ITK: variants seen among roughly 807,000 people sequenced by gnomAD.
ITK encodes tyrosine-protein kinase ITK/TSK.
Under a neutral mutation model 87.6 loss-of-function variants are expected in ITK, and 45 were observed. The ratio of observed to expected loss-of-function variants is 0.51; its 90% CI spans 0.40 to 0.66. The LOEUF (loss-of-function observed/expected upper bound fraction) is 0.66, where lower values mean the gene tolerates loss of function less well. ITK is among the 30% of genes least tolerant of loss of function. ITK has a pLI of 0.00. For synonymous variants in ITK, 303 were observed against 273.6 expected (o/e 1.11, Z -1.06); for missense variants, 605 against 766.3 (o/e 0.79, Z 2.48).
At chr5:157,186,097 C>T (rs1372055624) in intron 1 of ITK, among the ~76,000 whole-genome samples, 5 of 152,116 alleles carry the variant, frequency 3.3e-5, no homozygotes, top group Non-Finnish European at 4.4e-5. Context: ...TGATGTCCCA[C>T]GTCTCTAGAG....
chr5:157,231,096 C>T (rs1396426223), intron 7 of ITK, among the ~76,000 whole-genome samples: 1 of 152,160 alleles, frequency 6.6e-6, no homozygotes, highest in African/African-American at 2.4e-5. Flanking sequence ...TAAAAATGTA[C>T]CACCTGGTAA....
rs184239373 is a variant in ITK at position 157,201,959 on chromosome 5, C to T, written c.139-6930C>T. On this transcript the variant is annotated intron_variant, in intron 1 of 16. Coordinates refer to ENST00000422843, the MANE Select transcript of ITK (RefSeq NM_005546.4). The stretch of plus-strand genomic sequence containing the variant: ...ATCACCCAGGTAATAAGCATAGTAC[C>T]CAGTAGGTAGATTTTCAATTCCCAC... Among the ~76,000 whole-genome samples, 151 of 152,070 alleles carry T rather than the reference C, an allele frequency of 9.9e-4. 1 individual carries two copies. The highest frequency in any genetic ancestry group is 1.6e-3 in the Non-Finnish European group (108 of 67,992).
In ITK at chr5:157,254,651, T is replaced by C; in HGVS notation, c.*1973T>C. On this transcript the variant is annotated 3_prime_UTR_variant, in exon 17 of 17. Transcript: ENST00000422843. ...CATTCAGAAGATGATTTTACTCAGC[T>C]TATCCAAAATTATCTCTGTTTACTT... 1 of 217,452 alleles carries C rather than the reference T, an allele frequency of 4.6e-6. No homozygotes were observed. The highest frequency in any genetic ancestry group is 9.2e-6 in the Non-Finnish European group (1 of 108,142). 13.5% of individuals were successfully genotyped at this position (217,452 alleles called of 1,614,324 possible).
intron 5 of ITK, among the ~76,000 whole-genome samples, chr5:157,218,809 A>G (rs935140914): frequency 2.0e-5 from 3 of 152,150 alleles, no homozygotes; most frequent in Non-Finnish European, 2.9e-5. Flanking sequence ...AGTATAGTCC[A>G]TGGACCAGAA....
intron 12 of ITK, 61 bp downstream of exon 12, chr5:157,243,855 G>C: frequency 6.6e-7 from 1 of 1,523,762 alleles, no homozygotes; most frequent in South Asian, 1.1e-5. Context: ...CAGTGTTCTT[G>C]AAATGCCATT....
intron 9 of ITK, among the ~76,000 whole-genome samples, chr5:157,238,492 A>G (rs537106453): frequency 1.3e-5 from 2 of 152,362 alleles, no homozygotes; most frequent in South Asian, 2.1e-4. Context: ...AATTTAATAC[A>G]TAGAATAACA....
chr5:157,211,372 A>G lies in ITK; in HGVS notation c.325+4A>G. 1 of 1,610,230 alleles carries G rather than the reference A, an allele frequency of 6.2e-7. No individual in the cohort carries two copies. Among genetic ancestry groups the G allele is most frequent in the African/African-American group, 1.3e-5 (1 of 74,964 alleles). ...TGGGTGCTGGCCCTTAAAGAAGGTA[A>G]TTAAACTCCTTTGCCATTGAATCAC... is the stretch of plus-strand genomic sequence containing the variant. On this transcript the variant is annotated splice_donor_region_variant and intron_variant, in intron 3 of 16. Transcript: ENST00000422843.
chr5:157,241,808 T>C (rs1182027004), intron 11 of ITK, 88 bp downstream of exon 11: 3 of 875,980 alleles, frequency 3.4e-6, no homozygotes, highest in Non-Finnish European at 5.7e-6. Flanking sequence ...TACCTGTTCC[T>C]CAGACTACAA....
rs374706544 is a variant in ITK, at chr5:157,222,882, A to G, written c.515A>G (p.Glu172Gly). ...CCCCAGCGACCACTTTGGGAACCTG[A>G]AGAAACTGTGGTCATTGCCTTATAT... ...EDNRRPLWEP[E>G]ETVVIALYDY... is the part of the protein sequence containing the mutation. The change falls in exon 6 of 17, where the codon GAA becomes GGA. Residue 172 changes from glutamate (E) to glycine (G), a missense_variant. Glu to Gly is a moderately conservative substitution (Grantham distance 98, BLOSUM62 -2). This residue lies in a region of ITK where 464 missense variants were observed against 578.0 expected (regional missense o/e 0.80). Coordinates refer to ENST00000422843, the MANE Select transcript of ITK (RefSeq NM_005546.4). The G allele has an allele frequency of 2.5e-6, 4 of 1,613,942 alleles. No homozygotes were observed. The African/African-American group carries it at 5.3e-5, about 22-fold the overall frequency.
intron 15 of ITK, 101 bp downstream of exon 15, chr5:157,246,100 C>A: frequency 1.2e-6 from 1 of 860,634 alleles, no homozygotes. Flanking sequence ...AACCCTGTAT[C>A]ATATCATGAG....
chr5:157,211,090 G>C (rs1202182888), intron 2 of ITK, among the ~76,000 whole-genome samples, 197 bp from the exon 3 acceptor site: 1 of 152,114 alleles, frequency 6.6e-6, no homozygotes, highest in East Asian at 1.9e-4. Context: ...TCTGAGACGA[G>C]CAGCTGAAAC....
At chr5:157,199,832 C>T (rs1219112942) in intron 1 of ITK, 1 of 152,144 alleles carries the variant, frequency 6.6e-6, no homozygotes, top group African/African-American at 2.4e-5. Context: ...TCCTGCTTCT[C>T]TCTTTGAAAC....
At chr5:157,246,318 T>C (rs1336646823) in intron 15 of ITK, among the ~76,000 whole-genome samples, 1 of 152,254 alleles carries the variant, frequency 6.6e-6, no homozygotes, top group Admixed American at 6.5e-5. Flanking sequence ...GACCATGTTT[T>C]GTCCAACACT....
Position 157,240,211 on chromosome 5 carries a change from G to A in ITK, c.985+16G>A, listed in dbSNP as rs1561663293. On this transcript the variant is annotated intron_variant, in intron 10 of 16. Coordinates refer to ENST00000422843, the MANE Select transcript of ITK (RefSeq NM_005546.4). ...AATGGAGGAGGTAAGCTCTAGAGCA[G>A]GGGTGGACCCGGGCCGCCCAGCAGG... 6.2e-7 allele frequency: 1 copy of A among 1,613,950 alleles called. No individual in the cohort carries two copies. Among genetic ancestry groups the A allele is most frequent in the African/African-American group, 1.3e-5 (1 of 75,060 alleles).
intron 10 of ITK, 172 bp from the exon 11 acceptor site, chr5:157,241,474 A>G (rs1034236278): frequency 6.3e-6 from 4 of 638,150 alleles, no homozygotes; most frequent in Non-Finnish European, 1.1e-5. Context: ...ATCTGTGCTT[A>G]TGATGTTTTC....
At chr5:157,242,287 C>G (rs915754413) in intron 11 of ITK, among the ~76,000 whole-genome samples, 2 of 152,186 alleles carry the variant, frequency 1.3e-5, no homozygotes, top group African/African-American at 4.8e-5. Context: ...AGGCATTTGG[C>G]TTTGCATCCC....
At chr5:157,204,812 TC>T (rs1256159694) in intron 1 of ITK, among the ~76,000 whole-genome samples, 10 of 152,246 alleles carry the variant, frequency 6.6e-5, no homozygotes, top group Admixed American at 1.3e-4. Context: ...TTTTGTACTT[TC>T]AATAATGGAT....
At chr5:157,232,238 A>G (rs1754671930) in intron 7 of ITK, 102 bp from the exon 8 acceptor site, 1 of 829,976 alleles carries the variant, frequency 1.2e-6, no homozygotes, top group African/African-American at 1.7e-5. Flanking sequence ...AAGCACTGGT[A>G]GAAATAGAAA....
intron 2 of ITK, 143 bp from the exon 3 acceptor site, chr5:157,211,144 A>G (rs1406502518): frequency 7.0e-6 from 5 of 714,698 alleles, no homozygotes; most frequent in Non-Finnish European, 1.0e-5. Context: ...CTGGATAAAA[A>G]GGATACTGGC....
Sources: allele counts gnomAD v4.1 joint callset (sites outside exome capture counted in the v4.1 genomes callset), GRCh38; gene constraint gnomAD v4.1.1; regional missense constraint gnomAD v4.1.1; transcripts MANE v1.5; gene names NCBI Gene and HGNC (gene_info 2026-07-23, HGNC 2026-07-21).